The following PAH variants were observed in gnomAD, a reference collection of about 807,000 sequenced individuals.
The protein encoded by PAH is phenylalanine hydroxylase.
PAH carries 64 observed loss-of-function variants against 62.0 expected under a neutral mutation model. The observed-to-expected ratio is 1.03, with a 90% CI of 0.84 to 1.27. PAH has a LOEUF of 1.27. PAH is among the 50% of genes most tolerant of loss of function. The pLI is 0.00. For missense variants in PAH, 579 were observed against 542.8 expected, an observed-to-expected ratio of 1.07 and a Z score of -0.66; for synonymous variants, 195 against 196.2, an observed-to-expected ratio of 0.99 and a Z score of 0.05.
intron 8 of PAH, among the ~76,000 whole-genome samples, chr12:102,849,393 A>G (rs181699224): frequency 2.0e-5 from 3 of 151,940 alleles, no homozygotes; most frequent in South Asian, 2.1e-4. Context: ...TAGGCAATTC[A>G]ATATGCAAGT....
chr12:102,840,691 A>G (rs1874557677), intron 11 of PAH, among the ~76,000 whole-genome samples, 176 bp from the exon 12 acceptor site: 1 of 152,140 alleles, frequency 6.6e-6, no homozygotes. Context: ...TCTTCTTGGG[A>G]AGCCTCTGTA....
chr12:102,920,009 T>G (rs1295685432), upstream of PAH, among the ~76,000 whole-genome samples: 1 of 152,184 alleles, frequency 6.6e-6, no homozygotes, highest in Non-Finnish European at 1.5e-5. Context: ...TTTAGTTTTT[T>G]GGGGAACTGC....
chr12:102,901,846 A>T (rs1445559297), intron 2 of PAH, among the ~76,000 whole-genome samples: 1 of 152,218 alleles, frequency 6.6e-6, no homozygotes, highest in Non-Finnish European at 1.5e-5. Flanking sequence ...CACTCAGTTA[A>T]GCACCATTTT....
chr12:102,850,065 G>C (rs1441380544), intron 8 of PAH, among the ~76,000 whole-genome samples: 1 of 152,188 alleles, frequency 6.6e-6, no homozygotes, highest in African/African-American at 2.4e-5. Flanking sequence ...ACTTCTGGTG[G>C]TAAGAATAAA....
At chr12:102,851,449 T>C (rs898614993) in intron 8 of PAH, among the ~76,000 whole-genome samples, 1 of 152,142 alleles carries the variant, frequency 6.6e-6, no homozygotes, top group Non-Finnish European at 1.5e-5. Context: ...AAAATGAGAT[T>C]AGTACACTGA....
chr12:102,881,810 A>T (rs1240931188), intron 3 of PAH, among the ~76,000 whole-genome samples: 1 of 152,190 alleles, frequency 6.6e-6, no homozygotes, highest in Non-Finnish European at 1.5e-5. Flanking sequence ...TGGCTGAATA[A>T]TATTCCATTG....
At chr12:102,950,540 G>A (rs1191011758) in intron 1 of PAH, 2 of 152,488 alleles carry the variant, frequency 1.3e-5, no homozygotes, top group South Asian at 2.1e-4. Flanking sequence ...TTGGGAAGGT[G>A]GTGATGGACA....
chr12:102,949,095 C>A (rs1392704606), intron 1 of PAH, among the ~76,000 whole-genome samples: 1 of 152,030 alleles, frequency 6.6e-6, no homozygotes, highest in East Asian at 1.9e-4. Context: ...ATTCCTAGAC[C>A]CAAAACTGCC....
intron 1 of PAH, among the ~76,000 whole-genome samples, chr12:102,945,616 C>G (rs1479058584): frequency 6.6e-6 from 1 of 152,120 alleles, no homozygotes; most frequent in South Asian, 2.1e-4. Context: ...CAGGCTATCA[C>G]TGATCTTCAC....
intron 2 of PAH, among the ~76,000 whole-genome samples, chr12:102,896,550 G>A (rs1358883883): frequency 6.6e-6 from 1 of 152,236 alleles, no homozygotes. Flanking sequence ...TTGCTGAAAT[G>A]CAGACAAGAC....
rs1480353213 is a variant in PAH at position 102,867,989 on chromosome 12, AT to A, written c.442-1327del. On this transcript the variant is annotated intron_variant, in intron 4 of 12. Coordinates refer to ENST00000553106, the MANE Select transcript of PAH (RefSeq NM_000277.3). ...TATATACATGTATATATAGATGTAT[AT>A]TACATGTATATATGTATATACATAT... 2.4e-4 allele frequency among the ~76,000 whole-genome samples: 21 copies of A among 87,580 alleles called. 2 individuals are homozygous for A. Among genetic ancestry groups the A allele is most frequent in the African/African-American group, 7.0e-4 (13 of 18,640 alleles). The allele number at this position is 87,580 out of a possible 152,430, so 57.5% of individuals were successfully genotyped here.
At position 102,957,897 on chromosome 12, in the gene PAH, G is replaced by T; in HGVS notation, c.-96+298C>A. On this transcript the variant is annotated intron_variant, in intron 1 of 4. Coordinates refer to the PAH transcript ENST00000551337. The surrounding 1 kb of genome is among the most constrained non-coding windows in gnomAD (Gnocchi z 4.1). ...AGCGCGTTCAGCACTGACTTTTGCT[G>T]CTGCTTCTGCTTTTTTTTTTCTTAG... is the stretch of plus-strand genomic sequence containing the variant. 1 of 212,124 alleles carries T rather than the reference G, an allele frequency of 4.7e-6. No homozygotes were observed. Among genetic ancestry groups the T allele is most frequent in the East Asian group, 1.0e-4 (1 of 9,712 alleles). The allele number at this position is 212,124 out of a possible 1,614,324, so 13.1% of individuals were successfully genotyped here. A position where few individuals can be genotyped will look rare whatever the true frequency, so the allele number is the denominator to read the frequency against.
intron 3 of PAH, among the ~76,000 whole-genome samples, chr12:102,889,549 CAGATAGAT>C (rs71097953): frequency 9.8e-5 from 14 of 143,324 alleles, no homozygotes; most frequent in Non-Finnish European, 1.9e-4. Context: ...GATAGATAGA[CAGATAGAT>C]AGATAGATAG....
intron 2 of PAH, among the ~76,000 whole-genome samples, chr12:102,908,066 C>G (rs1432011126): frequency 1.3e-5 from 2 of 152,030 alleles, no homozygotes; most frequent in Non-Finnish European, 2.9e-5. Flanking sequence ...CTTCAATCAC[C>G]CAATACAGTG....
At chr12:102,925,289 C>G (rs576048104) in intron 1 of PAH, among the ~76,000 whole-genome samples, 1 of 152,016 alleles carries the variant, frequency 6.6e-6, no homozygotes, top group Non-Finnish European at 1.5e-5. Flanking sequence ...AGCCATATTG[C>G]ATTATAAGGT....
intron 12 of PAH, 44 bp downstream of exon 12, chr12:102,840,356 A>T: frequency 8.7e-7 from 1 of 1,145,208 alleles, no homozygotes; most frequent in Non-Finnish European, 1.3e-6. Context: ...ACAGTCTTCG[A>T]TTACTGAGAA....
upstream of PAH, among the ~76,000 whole-genome samples, chr12:102,919,925 T>G (rs988542566): frequency 6.6e-6 from 1 of 152,202 alleles, no homozygotes; most frequent in Non-Finnish European, 1.5e-5. Context: ...CAGACATCTC[T>G]TTGATATACT....
At chr12:102,897,465 GTATATATATATATATA>G (rs376902236) in intron 2 of PAH, among the ~76,000 whole-genome samples, 1 of 93,946 alleles carries the variant, frequency 1.1e-5, no homozygotes, top group Admixed American at 1.2e-4. Flanking sequence ...GTGTGTGTGT[GTATATATATATATATA>G]TATATATATA....
intron 10 of PAH, among the ~76,000 whole-genome samples, chr12:102,844,110 G>A (rs1874720591): frequency 6.6e-6 from 1 of 152,116 alleles, no homozygotes; most frequent in Admixed American, 6.5e-5. Context: ...GGAATCAGGA[G>A]GCCCCTTCTC....
Sources: allele counts gnomAD v4.1 joint callset (sites outside exome capture counted in the v4.1 genomes callset), GRCh38; gene constraint gnomAD v4.1.1; non-coding constraint Gnocchi (gnomAD v3.1); transcripts MANE v1.5; gene names NCBI Gene and HGNC (gene_info 2026-07-23, HGNC 2026-07-21).